POLD1: variants seen among roughly 807,000 people sequenced by gnomAD.
The protein encoded by POLD1 is DNA polymerase delta 1, catalytic subunit.
A neutral mutation model predicts 129.7 loss-of-function variants in POLD1; 79 were observed. The observed-to-expected ratio is 0.61, with a 90% CI of 0.51 to 0.73. POLD1 has a LOEUF of 0.73. POLD1 is among the 30% of genes least tolerant of loss of function. The pLI is 0.00. For synonymous variants in POLD1, 714 were observed against 683.3 expected, an observed-to-expected ratio of 1.04 and a Z score of -0.70; for missense variants, 1,338 against 1,595.8, an observed-to-expected ratio of 0.84 and a Z score of 2.75.
At chr19:50,416,146 T>TGACCTCC in intron 22 of POLD1, 1 of 585,418 alleles carries the variant, frequency 1.7e-6, no homozygotes, top group Non-Finnish European at 3.0e-6. Context: ...CCATGACCTC[T>TGACCTCC]GACCTCCTGA....
chr19:50,416,169 C>T, intron 22 of POLD1: 1 of 592,528 alleles, frequency 1.7e-6, no homozygotes, highest in South Asian at 2.1e-5. Context: ...CCTTCCTCAT[C>T]CTTGCTTCCC....
chr19:50,403,289 C>G, intron 9 of POLD1, 70 bp downstream of exon 9: 1 of 1,433,820 alleles, frequency 7.0e-7, no homozygotes, highest in Non-Finnish European at 9.4e-7. Flanking sequence ...GAGCCATCAG[C>G]TCCTGGGTGC....
intron 1 of POLD1, among the ~76,000 whole-genome samples, chr19:50,398,470 G>A (rs1228672750): frequency 1.3e-5 from 2 of 150,716 alleles, no homozygotes; most frequent in Non-Finnish European, 2.9e-5. Context: ...TACTCGGGAG[G>A]CTGAGGGGAG....
chr19:50,392,756 C>T (rs913543165), intron 1 of POLD1, among the ~76,000 whole-genome samples: 1 of 152,146 alleles, frequency 6.6e-6, no homozygotes, highest in East Asian at 1.9e-4. Context: ...GGATTACAGG[C>T]GTGAGCCACT....
At chr19:50,397,776 T>C (rs180742538) in intron 1 of POLD1, among the ~76,000 whole-genome samples, 1 of 152,302 alleles carries the variant, frequency 6.6e-6, no homozygotes, top group East Asian at 1.9e-4. Context: ...TGTTTTGTGT[T>C]GTGTTTTGTT....
At chr19:50,417,015 C>A in intron 24 of POLD1, 30 bp from the exon 25 acceptor site, 1 of 1,544,412 alleles carries the variant, frequency 6.5e-7, no homozygotes. Context: ...GGCTGGGCCC[C>A]AGCACTTGGG....
At chr19:50,413,550 A>G (rs764747593) in intron 18 of POLD1, 29 bp downstream of exon 18, 3 of 1,572,690 alleles carry the variant, frequency 1.9e-6, no homozygotes, top group Non-Finnish European at 2.6e-6. Context: ...CTGCCCTGAG[A>G]TGGGCCCAGG....
chr19:50,385,614 C>T (rs187821248), intron 1 of POLD1, among the ~76,000 whole-genome samples: 36 of 151,722 alleles, frequency 2.4e-4, no homozygotes, highest in Admixed American at 2.0e-3. Flanking sequence ...TTGCAACCTC[C>T]GCCTCCCGAG....
intron 8 of POLD1, 131 bp downstream of exon 8, chr19:50,402,872 G>A: frequency 1.5e-6 from 2 of 1,369,858 alleles, no homozygotes; most frequent in African/African-American, 1.4e-5. Context: ...CATGTGGCCA[G>A]ATGGAGTGAG....
chr19:50,407,224 GC>G, intron 13 of POLD1, 50 bp downstream of exon 13: 2 of 1,563,942 alleles, frequency 1.3e-6, no homozygotes, highest in Non-Finnish European at 1.7e-6. Flanking sequence ...CACGTCTGTG[GC>G]CCCCTCCAGG....
In POLD1 at chr19:50,413,474, G is replaced by A. The variant is rs868025188; in HGVS notation, c.2203G>A (p.Val735Met). The change falls in exon 18 of 27, where the codon GTG becomes ATG. Residue 735 changes from valine (V) to methionine (M), a missense_variant. Val to Met is a conservative substitution (Grantham distance 21, BLOSUM62 1). Around this residue, in one of 3 missense-constraint regions of POLD1, gnomAD observed 720 missense variants for 1,002.6 expected, o/e 0.72. Coordinates refer to ENST00000440232, the MANE Select transcript of POLD1 (RefSeq NM_002691.4). ...RQMIEKTKQL[V>M]ESKYTVENGY... ...GATGATCGAGAAAACCAAGCAGCTG[G>A]TGGAGTCTAAGTACACAGTGGAGAA... The A allele has an allele frequency of 1.2e-6, 2 of 1,613,222 alleles. No individual in the cohort carries two copies. The highest frequency in any genetic ancestry group is 1.3e-5 in the African/African-American group (1 of 75,044).
chr19:50,403,784 T>A (rs1056125553), intron 10 of POLD1, among the ~76,000 whole-genome samples, 187 bp downstream of exon 10: 1 of 152,198 alleles, frequency 6.6e-6, no homozygotes, highest in Admixed American at 6.5e-5. Flanking sequence ...TTACTGTGGC[T>A]TTTATCAGAG....
At position 50,417,043 on chromosome 19, in the gene POLD1, A is replaced by G. The variant is rs1555793565; in HGVS notation, c.3068-2A>G. On this transcript the variant is annotated splice_acceptor_variant, in intron 24 of 26. Coordinates refer to ENST00000440232, the MANE Select transcript of POLD1 (RefSeq NM_002691.4). LOFTEE classifies it high-confidence loss of function. Reference sequence around the variant, plus strand: ...CACTTGGGCTGACCCGCCTCCCCACAGGAGCCGTGTGTGAGTTCTGCCAGC... The same window carrying G: ...CACTTGGGCTGACCCGCCTCCCCACGGGAGCCGTGTGTGAGTTCTGCCAGC... The G allele has an allele frequency of 6.5e-7, 1 of 1,550,324 alleles. No homozygotes were observed. The highest frequency in any genetic ancestry group is 1.2e-5 in the South Asian group (1 of 84,024).
rs2038731369 is a variant in POLD1 at position 50,403,205 on chromosome 19, G to A, written c.1123G>A (p.Glu375Lys). 6.4e-7 allele frequency: 1 copy of A among 1,557,756 alleles called. No homozygotes were observed. The change falls in exon 9 of 27, where the codon GAG becomes AAG. Residue 375 changes from glutamate to lysine, a missense_variant. This residue lies in a region of POLD1 where 720 missense variants were observed against 1,002.6 expected (regional missense o/e 0.72). Transcript: ENST00000440232. ...CAAGGTGCAGAGCTACGAGAAGGAG[G>A]AGGACCTGCTGCAGGTAGCTCTCGC... ...GAKVQSYEKE[E>K]DLLQAWSTFI...
At chr19:50,397,132 C>T (rs2038399032) in intron 1 of POLD1, among the ~76,000 whole-genome samples, 1 of 149,318 alleles carries the variant, frequency 6.7e-6, no homozygotes, top group African/African-American at 2.5e-5. Context: ...GGCTTGGTGG[C>T]TCACGCCTGA....
In POLD1 at chr19:50,409,267, A is replaced by T; in HGVS notation, c.2006+32A>T. 6.7e-7 allele frequency: 1 copy of T among 1,488,942 alleles called. No homozygotes were observed. Among genetic ancestry groups the T allele is most frequent in the Non-Finnish European group, 9.4e-7 (1 of 1,067,956 alleles). The allele number at this position is 1,488,942 out of a possible 1,614,324, so 92.2% of individuals were successfully genotyped here. On this transcript the variant is annotated intron_variant, in intron 16 of 26. Transcript: ENST00000440232. This position sits in a 1 kb window ranked among gnomAD's most constrained non-coding sequence, Gnocchi z 5.8. ...CCTGGAGATCGCCTGCTTGGAGCTC[A>T]GACCTGTTGGGGCCTCTGGGCAATC...
In POLD1 at chr19:50,409,375, T is replaced by A. The variant is rs1439226655; in HGVS notation, c.2006+140T>A. On this transcript the variant is annotated intron_variant, in intron 16 of 26. Coordinates refer to ENST00000440232, the MANE Select transcript of POLD1 (RefSeq NM_002691.4). The surrounding 1 kb of genome is among the most constrained non-coding windows in gnomAD (Gnocchi z 5.8). ...TGAATTAGCACAAGGCATCCCCTCC[T>A]GGCAGCTTCCTTTTGCCCCCTTGGC... is the stretch of plus-strand genomic sequence containing the variant. The A allele has an allele frequency of 9.9e-6, 13 of 1,310,236 alleles. No individual in the cohort carries two copies. Among genetic ancestry groups the A allele is most frequent in the Admixed American group, 3.8e-5 (2 of 53,240 alleles). 81.2% of individuals were successfully genotyped at this position (1,310,236 alleles called of 1,614,324 possible).
chr19:50,416,292 CCGCA>C lies in POLD1; in HGVS notation c.2821-103_2821-100del, dbSNP rs2039286486. On this transcript the variant is annotated intron_variant, in intron 22 of 26. Transcript: ENST00000440232. ...ACCCAGGCCCCCCCCATGTCACAGC[CCGCA>C]GGCAGGCCTAGGCCCTAAGCCCCAG... 3 of 1,251,730 alleles carry C rather than the reference CCGCA, an allele frequency of 2.4e-6. No individual in the cohort carries two copies. In the Admixed American group the frequency reaches 6.8e-5, roughly 28 times the overall value. 77.5% of individuals were successfully genotyped at this position (1,251,730 alleles called of 1,614,324 possible).
Position 50,406,058 on chromosome 19 carries a change from C to A in POLD1, c.1243-124C>A. 3 of 1,171,296 alleles carry A rather than the reference C, an allele frequency of 2.6e-6. No individual in the cohort carries two copies. Among genetic ancestry groups the A allele is most frequent in the South Asian group, 1.4e-5 (1 of 71,868 alleles). The allele number at this position is 1,171,296 out of a possible 1,614,324, so 72.6% of individuals were successfully genotyped here. On this transcript the variant is annotated intron_variant, in intron 10 of 26. Transcript: ENST00000440232. The surrounding 1 kb of genome is among the most constrained non-coding windows in gnomAD (Gnocchi z 5.5). ...CCCAGCCCCAGACCGTCTTTCTGCC[C>A]CCAGGGTTGCTCTCGACCCCCTAGG...
Sources: allele counts gnomAD v4.1 joint callset (sites outside exome capture counted in the v4.1 genomes callset), GRCh38; gene constraint gnomAD v4.1.1; regional missense constraint gnomAD v4.1.1; non-coding constraint Gnocchi (gnomAD v3.1); transcripts MANE v1.5; gene names NCBI Gene and HGNC (gene_info 2026-07-23, HGNC 2026-07-21).